Variants in PPP2R5E observed in about 807,000 individuals in gnomAD.
PPP2R5E encodes the protein serine/threonine-protein phosphatase 2A 56 kDa regulatory subunit epsilon isoform.
In PPP2R5E, 4 loss-of-function variants were observed where a neutral mutation model predicts 65.3. The ratio of observed to expected loss-of-function variants is 0.06; its 90% CI spans 0.03 to 0.14. The LOEUF (loss-of-function observed/expected upper bound fraction) is 0.14. Among genes scored for constraint, PPP2R5E ranks in the 10% least tolerant of loss-of-function variants. PPP2R5E has a pLI of 1.00. For missense variants in PPP2R5E, 274 were observed against 556.1 expected, an observed-to-expected ratio of 0.49 and a Z score of 5.10; for synonymous variants, 183 against 187.4, an observed-to-expected ratio of 0.98 and a Z score of 0.19.
intron 13 of PPP2R5E, among the ~76,000 whole-genome samples, chr14:63,377,922 A>G (rs1332112053): frequency 6.6e-6 from 1 of 152,182 alleles, no homozygotes; most frequent in Non-Finnish European, 1.5e-5. Flanking sequence ...GCTAAAGTGC[A>G]GTGGCACAAT....
At chr14:63,485,212 A>C (rs1890920192) in intron 2 of PPP2R5E, among the ~76,000 whole-genome samples, 1 of 152,000 alleles carries the variant, frequency 6.6e-6, no homozygotes, top group Admixed American at 6.6e-5. Flanking sequence ...AAAAAAAAAA[A>C]AAAACATACT....
chr14:63,422,154 G>A, intron 3 of PPP2R5E, 60 bp from the exon 4 acceptor site: 1 of 1,399,410 alleles, frequency 7.1e-7, no homozygotes, highest in Non-Finnish European at 1.0e-6. Context: ...TTTACACAAG[G>A]TCCTTGGAGC....
intron 3 of PPP2R5E, among the ~76,000 whole-genome samples, chr14:63,435,856 G>C (rs1042786243): frequency 6.6e-6 from 1 of 152,106 alleles, no homozygotes; most frequent in Non-Finnish European, 1.5e-5. Flanking sequence ...ACCATCACAG[G>C]GAAATGATAT....
At chr14:63,455,342 T>C (rs905496376) in intron 2 of PPP2R5E, among the ~76,000 whole-genome samples, 89 of 152,148 alleles carry the variant, frequency 5.8e-4, no homozygotes, top group Non-Finnish European at 4.3e-4. Context: ...TGAGAGTGGA[T>C]AGGACACCTA....
At chr14:63,435,306 A>C (rs1469307376) in intron 3 of PPP2R5E, among the ~76,000 whole-genome samples, 1 of 152,214 alleles carries the variant, frequency 6.6e-6, no homozygotes, top group Non-Finnish European at 1.5e-5. Context: ...AGACTGGCCA[A>C]AATGTGGGTA....
intron 2 of PPP2R5E, among the ~76,000 whole-genome samples, chr14:63,515,862 T>C (rs1892651357): frequency 6.7e-6 from 1 of 149,706 alleles, no homozygotes. Context: ...TTTTTTTTTT[T>C]TTTTTGAGAC....
intron 5 of PPP2R5E, among the ~76,000 whole-genome samples, chr14:63,400,855 A>G (rs1272409126): frequency 6.6e-6 from 1 of 152,058 alleles, no homozygotes; most frequent in Admixed American, 6.6e-5. Context: ...TATTTTTTAA[A>G]TTTCGTTTCT....
intron 2 of PPP2R5E, among the ~76,000 whole-genome samples, chr14:63,506,175 G>A (rs1892164114): frequency 6.6e-6 from 1 of 152,104 alleles, no homozygotes; most frequent in Non-Finnish European, 1.5e-5. Context: ...GATTGGCCGG[G>A]CGCAGTGGCT....
intron 2 of PPP2R5E, among the ~76,000 whole-genome samples, chr14:63,528,298 C>G (rs1893263967): frequency 6.6e-6 from 1 of 152,096 alleles, no homozygotes; most frequent in Admixed American, 6.6e-5. Flanking sequence ...TCTGAAAGTC[C>G]ATTATAATAT....
At chr14:63,522,869 AG>A (rs1175569984) in intron 2 of PPP2R5E, among the ~76,000 whole-genome samples, 1 of 144,524 alleles carries the variant, frequency 6.9e-6, no homozygotes, top group Non-Finnish European at 1.5e-5. Context: ...GGGGGGGGTC[AG>A]CCCCCCGCCC....
rs1254773065 is a variant in PPP2R5E, at chr14:63,490,713, A to T, written c.158-36828T>A. Among the ~76,000 whole-genome samples the T allele has an allele frequency of 1.3e-5, 2 of 152,112 alleles. 1 individual carries two copies. Among genetic ancestry groups the T allele is most frequent in the African/African-American group, 4.8e-5 (2 of 41,440 alleles). On this transcript the variant is annotated intron_variant, in intron 2 of 13. Coordinates refer to ENST00000337537, the MANE Select transcript of PPP2R5E (RefSeq NM_006246.5). The stretch of plus-strand genomic sequence containing the variant: ...CCATCGCACACCAGTCGGAATGAGT[A>T]CTATTAAAAAGTCAAAAAATAACAT...
chr14:63,379,379 C>A (rs1240462679), intron 13 of PPP2R5E, among the ~76,000 whole-genome samples: 1 of 152,196 alleles, frequency 6.6e-6, no homozygotes, highest in Admixed American at 6.5e-5. Flanking sequence ...TCAAGTGATT[C>A]TCCTGCCTCA....
intron 3 of PPP2R5E, among the ~76,000 whole-genome samples, chr14:63,428,853 AT>A (rs1200338972): frequency 6.6e-6 from 1 of 152,256 alleles, no homozygotes; most frequent in African/African-American, 2.4e-5. Flanking sequence ...CAGAAAAAAA[AT>A]CACCATTCCT....
intron 2 of PPP2R5E, among the ~76,000 whole-genome samples, chr14:63,465,464 AAAAAAAAAACAAC>A (rs1192790416): frequency 1.5e-5 from 2 of 133,452 alleles, no homozygotes; most frequent in African/African-American, 3.3e-5. Flanking sequence ...AAAAAAAAAA[AAAAAAAAAACAAC>A]AACTAACAAA....
chr14:63,495,417 CAAAAAAA>C lies in PPP2R5E; in HGVS notation c.158-41539_158-41533del, dbSNP rs772700927. 3.7e-3 allele frequency among the ~76,000 whole-genome samples: 349 copies of C among 93,238 alleles called. 4 individuals are homozygous for C. Among genetic ancestry groups the C allele is most frequent in the African/African-American group, 0.011 (300 of 27,086 alleles). The allele number at this position is 93,238 out of a possible 152,430, so 61.2% of individuals were successfully genotyped here. A position where few individuals can be genotyped will look rare whatever the true frequency, so the allele number is the denominator to read the frequency against. The stretch of plus-strand genomic sequence containing the variant: ...CAAAACCCCATCTCTACTAAAAATA[CAAAAAAA>C]AAAAAAAAAATTAGCTGGGCAATGT... On this transcript the variant is annotated intron_variant, in intron 2 of 13. Transcript: ENST00000337537.
intron 2 of PPP2R5E, among the ~76,000 whole-genome samples, chr14:63,509,043 T>C (rs1166690048): frequency 6.6e-6 from 1 of 152,118 alleles, no homozygotes; most frequent in Non-Finnish European, 1.5e-5. Flanking sequence ...AAATCAAAGG[T>C]TTCAAGAAAT....
chr14:63,421,637 G>A (rs945646247), intron 4 of PPP2R5E, among the ~76,000 whole-genome samples: 1 of 152,182 alleles, frequency 6.6e-6, no homozygotes, highest in African/African-American at 2.4e-5. Context: ...CACTAAAAAT[G>A]AGATATATAC....
intron 10 of PPP2R5E, among the ~76,000 whole-genome samples, chr14:63,390,295 GACACACACACACACAC>G (rs59239063): frequency 7.8e-5 from 11 of 140,178 alleles, no homozygotes; most frequent in South Asian, 2.3e-4. Context: ...ACGCATTCTC[GACACACACACACACAC>G]ACACACACAC....
chr14:63,466,773 A>T (rs11850471), intron 2 of PPP2R5E, among the ~76,000 whole-genome samples: 3,530 of 152,218 alleles, frequency 0.023, 119 homozygotes, highest in East Asian at 0.11. Context: ...GTGTGTATAC[A>T]TATGTGTATA....
Sources: gnomAD v4.1 joint callset for allele counts (sites outside exome capture counted in the v4.1 genomes callset) on GRCh38, gnomAD v4.1.1 for gene constraint, MANE v1.5 for transcripts, NCBI Gene and HGNC (gene_info 2026-07-23, HGNC 2026-07-21) for gene names.